The following EPB41L3 variants were observed in gnomAD, a reference collection of about 807,000 sequenced individuals.
The protein encoded by EPB41L3 is erythrocyte membrane protein band 4.1 like 3, also known as band 4.1-like protein 3.
In EPB41L3, 57 loss-of-function variants were observed where a neutral mutation model predicts 127.1. The observed-to-expected ratio is 0.45, with a 90% CI of 0.36 to 0.56. EPB41L3 has a LOEUF of 0.56. EPB41L3 is among the 20% of genes least tolerant of loss of function. The pLI is 0.00. For missense variants in EPB41L3, 1,273 were observed against 1,372.2 expected (o/e 0.93, Z 1.14); for synonymous variants, 572 against 549.5 (o/e 1.04, Z -0.57).
chr18:5,395,244 C>G (rs997923547), intron 20 of EPB41L3, 97 bp from the exon 21 acceptor site: 2 of 1,023,106 alleles, frequency 2.0e-6, no homozygotes, highest in Non-Finnish European at 3.1e-6. Context: ...ACATCATTCA[C>G]TCTTCGAGAA....
At chr18:5,476,640 A>C (rs2087292178) in intron 3 of EPB41L3, among the ~76,000 whole-genome samples, 1 of 152,218 alleles carries the variant, frequency 6.6e-6, no homozygotes, top group African/African-American at 2.4e-5. Flanking sequence ...AAAAATAGAA[A>C]GACTCTCCTC....
At chr18:5,421,503 T>A (rs534192450) in intron 11 of EPB41L3, among the ~76,000 whole-genome samples, 15 of 152,316 alleles carry the variant, frequency 9.8e-5, no homozygotes, top group Non-Finnish European at 1.9e-4. Flanking sequence ...AAGGGCTGGC[T>A]CTAAGTTCGG....
At chr18:5,616,353 C>G (rs1299419583) in intron 1 of EPB41L3, among the ~76,000 whole-genome samples, 1 of 152,086 alleles carries the variant, frequency 6.6e-6, no homozygotes, top group Admixed American at 6.6e-5. Context: ...GTCTCCCAGT[C>G]AAAATCAACT....
At chr18:5,462,875 T>G (rs1299161585) in intron 3 of EPB41L3, among the ~76,000 whole-genome samples, 4 of 152,200 alleles carry the variant, frequency 2.6e-5, no homozygotes. Flanking sequence ...ACTTTCATAT[T>G]CCAGGCACTT....
At chr18:5,430,525 C>A (rs2078848615) in intron 8 of EPB41L3, among the ~76,000 whole-genome samples, 1 of 151,850 alleles carries the variant, frequency 6.6e-6, no homozygotes, top group Non-Finnish European at 1.5e-5. Context: ...TTTTCTGCCA[C>A]AGCCCACAGT....
At chr18:5,414,474 C>T (rs929262206) in intron 13 of EPB41L3, among the ~76,000 whole-genome samples, 5 of 152,138 alleles carry the variant, frequency 3.3e-5, no homozygotes, top group African/African-American at 1.2e-4. Flanking sequence ...TATAGATACT[C>T]GCACACCCTC....
intron 11 of EPB41L3, among the ~76,000 whole-genome samples, chr18:5,422,653 G>A (rs1377250570): frequency 6.6e-6 from 1 of 152,170 alleles, no homozygotes; most frequent in Admixed American, 6.5e-5. Context: ...ACGCCTTGCA[G>A]CAGAAAGTGT....
intron 1 of EPB41L3, among the ~76,000 whole-genome samples, chr18:5,504,353 T>C (rs1475630087): frequency 1.3e-5 from 2 of 152,198 alleles, no homozygotes; most frequent in Non-Finnish European, 2.9e-5. Context: ...ATCTCTTATA[T>C]ACTCAATCCT....
chr18:5,493,096 C>A (rs2148372882), intron 1 of EPB41L3, among the ~76,000 whole-genome samples: 1 of 152,298 alleles, frequency 6.6e-6, no homozygotes, highest in South Asian at 2.1e-4. Context: ...TAATCCTCAT[C>A]TTTTCCACTT....
rs1416397537 is a variant in EPB41L3 at position 5,393,335 on chromosome 18, T to A, written c.*150A>T. 8 of 527,806 alleles carry A rather than the reference T, an allele frequency of 1.5e-5. No individual in the cohort carries two copies. Among genetic ancestry groups the A allele is most frequent in the Non-Finnish European group, 2.0e-5 (6 of 297,688 alleles). 32.7% of individuals were successfully genotyped at this position (527,806 alleles called of 1,614,324 possible). ...GGGAAGATCTCTCTGCCAGTGTCTT[T>A]ATTAATGGTCAAGGTCAATTCTTCT... On this transcript the variant is annotated 3_prime_UTR_variant, in exon 23 of 23. Transcript: ENST00000341928.
intron 1 of EPB41L3, among the ~76,000 whole-genome samples, chr18:5,622,581 T>C (rs1449060241): frequency 2.0e-5 from 3 of 152,198 alleles, no homozygotes; most frequent in Non-Finnish European, 4.4e-5. Flanking sequence ...GCAGGCTACA[T>C]GTTTTTTTTA....
chr18:5,415,596 A>C (rs1403365940), intron 13 of EPB41L3, among the ~76,000 whole-genome samples: 1 of 152,220 alleles, frequency 6.6e-6, no homozygotes, highest in East Asian at 1.9e-4. Flanking sequence ...AGTGGGTAGC[A>C]GAACGATTCC....
intron 3 of EPB41L3, among the ~76,000 whole-genome samples, chr18:5,445,980 T>C (rs762738934): frequency 6.6e-6 from 1 of 152,168 alleles, no homozygotes; most frequent in African/African-American, 2.4e-5. Context: ...TGGTCCCTGG[T>C]GCCAAAAAGG....
intron 3 of EPB41L3, among the ~76,000 whole-genome samples, chr18:5,464,834 C>T (rs770518187): frequency 7.9e-5 from 12 of 152,170 alleles, no homozygotes; most frequent in Non-Finnish European, 5.9e-5. Context: ...CCTCTGCCAA[C>T]GTCCCGAGGG....
intron 1 of EPB41L3, among the ~76,000 whole-genome samples, chr18:5,510,965 A>G (rs772394399): frequency 2.0e-5 from 3 of 152,178 alleles, no homozygotes; most frequent in Non-Finnish European, 4.4e-5. Flanking sequence ...AAAAAACAAA[A>G]GAGGAGACTT....
chr18:5,582,293 A>G (rs2094400855), intron 3 of EPB41L3, among the ~76,000 whole-genome samples: 1 of 152,064 alleles, frequency 6.6e-6, no homozygotes, highest in Non-Finnish European at 1.5e-5. Flanking sequence ...AACACAGGAG[A>G]GGAGAAGACA....
intron 1 of EPB41L3, among the ~76,000 whole-genome samples, chr18:5,518,209 C>T (rs1399652048): frequency 6.6e-6 from 1 of 152,102 alleles, no homozygotes; most frequent in Non-Finnish European, 1.5e-5. Flanking sequence ...CACCCATGGC[C>T]CCGTTTCTTC....
At chr18:5,619,692 AGT>A (rs2094838744) in intron 1 of EPB41L3, among the ~76,000 whole-genome samples, 1 of 152,228 alleles carries the variant, frequency 6.6e-6, no homozygotes, top group Non-Finnish European at 1.5e-5. Flanking sequence ...GTCAAGAGAA[AGT>A]GTTTTTAAGA....
intron 14 of EPB41L3, among the ~76,000 whole-genome samples, chr18:5,410,213 T>G (rs1379229388): frequency 6.7e-6 from 1 of 148,228 alleles, no homozygotes; most frequent in Admixed American, 6.6e-5. Context: ...ATAGAATTTT[T>G]TTCTAAAAAA....
Sources: allele counts gnomAD v4.1 joint callset (sites outside exome capture counted in the v4.1 genomes callset), GRCh38; gene constraint gnomAD v4.1.1; transcripts MANE v1.5; gene names NCBI Gene and HGNC (gene_info 2026-07-23, HGNC 2026-07-21).